ADAMDEC1: variants seen among roughly 807,000 people sequenced by gnomAD.
The protein encoded by ADAMDEC1 is ADAM like decysin 1.
Under a neutral mutation model 60.4 loss-of-function variants are expected in ADAMDEC1, and 62 were observed. The observed-to-expected ratio is 1.03, with a 90% CI of 0.84 to 1.27. ADAMDEC1 has a LOEUF of 1.27. ADAMDEC1 is among the 50% of genes most tolerant of loss of function. ADAMDEC1 has a pLI of 0.00. For synonymous variants in ADAMDEC1, 210 were observed against 195.1 expected (o/e 1.08, Z -0.64); for missense variants, 595 against 565.0 (o/e 1.05, Z -0.54).
intron 1 of ADAMDEC1, 147 bp downstream of exon 1, chr8:24,384,739 A>G: frequency 1.5e-6 from 1 of 657,816 alleles, no homozygotes; most frequent in Non-Finnish European, 2.5e-6. Context: ...CTCTCTGCAA[A>G]AGCGAACTAT....
At chr8:24,386,008 T>C (rs1032213883) in intron 1 of ADAMDEC1, among the ~76,000 whole-genome samples, 1 of 152,108 alleles carries the variant, frequency 6.6e-6, no homozygotes, top group African/African-American at 2.4e-5. Context: ...TACTCATAGA[T>C]ACATTTCTAG....
chr8:24,399,919 A>G (rs1817717886), intron 10 of ADAMDEC1, among the ~76,000 whole-genome samples: 1 of 152,174 alleles, frequency 6.6e-6, no homozygotes, highest in South Asian at 2.1e-4. Flanking sequence ...TCCTATGAAG[A>G]ATGTAATTAA....
chr8:24,384,411 T>C lies in ADAMDEC1; in HGVS notation c.-94T>C. 1.0e-6 allele frequency: 1 copy of C among 1,002,916 alleles called. No individual in the cohort carries two copies. Among genetic ancestry groups the C allele is most frequent in the South Asian group, 1.7e-5 (1 of 58,712 alleles). 62.1% of individuals were successfully genotyped at this position (1,002,916 alleles called of 1,614,324 possible). A position where few individuals can be genotyped will look rare whatever the true frequency, so the allele number is the denominator to read the frequency against. ...AACACTCTTAAGAAACATTCCCCAATCTCACACGAAAAGTGGGGGTTTTAA... is the reference window on the plus strand; with the variant it reads ...AACACTCTTAAGAAACATTCCCCAACCTCACACGAAAAGTGGGGGTTTTAA... On this transcript the variant is annotated 5_prime_UTR_variant, in exon 1 of 14. Coordinates refer to ENST00000256412, the MANE Select transcript of ADAMDEC1 (RefSeq NM_014479.3).
In ADAMDEC1 at chr8:24,405,501, A is replaced by C. The variant is rs1817867520; in HGVS notation, c.*203A>C. On this transcript the variant is annotated 3_prime_UTR_variant, in exon 14 of 14. Transcript: ENST00000256412. Reference sequence around the variant, plus strand: ...TTGTTTAGGCCTAATCTTTCTTTTTACTTTTTTTTTTCTTTTTTCTTTTTT... The same window carrying C: ...TTGTTTAGGCCTAATCTTTCTTTTTCCTTTTTTTTTTCTTTTTTCTTTTTT... 4.2e-6 allele frequency: 2 copies of C among 480,280 alleles called. No homozygotes were observed. Among genetic ancestry groups the C allele is most frequent in the Non-Finnish European group, 3.6e-6 (1 of 279,456 alleles). The allele number at this position is 480,280 out of a possible 1,614,324, so 29.8% of individuals were successfully genotyped here. A position where few individuals can be genotyped will look rare whatever the true frequency, so the allele number is the denominator to read the frequency against.
At chr8:24,397,489 T>G in intron 6 of ADAMDEC1, 33 bp downstream of exon 6, 1 of 1,604,784 alleles carries the variant, frequency 6.2e-7, no homozygotes, top group African/African-American at 1.3e-5. Context: ...ATCATTTACT[T>G]CAATTGTCTC....
In ADAMDEC1 at chr8:24,400,145, A is replaced by G. The variant is rs756613291; in HGVS notation, c.1012-25A>G. 8 of 1,493,968 alleles carry G rather than the reference A, an allele frequency of 5.4e-6. No homozygotes were observed. The East Asian group carries it at 2.0e-4, about 37-fold the overall frequency. The allele number at this position is 1,493,968 out of a possible 1,614,324, so 92.5% of individuals were successfully genotyped here. A position where few individuals can be genotyped will look rare whatever the true frequency, so the allele number is the denominator to read the frequency against. On this transcript the variant is annotated intron_variant, in intron 10 of 13. Coordinates refer to ENST00000256412, the MANE Select transcript of ADAMDEC1 (RefSeq NM_014479.3). ...GGCAACAATTAAATAAAAAAAGAATAAATAAATATATCTACTTTTTCCAGG... is the reference window on the plus strand; with the variant it reads ...GGCAACAATTAAATAAAAAAAGAATGAATAAATATATCTACTTTTTCCAGG...
chr8:24,394,684 C>A (rs924717793), intron 4 of ADAMDEC1, among the ~76,000 whole-genome samples: 1 of 152,078 alleles, frequency 6.6e-6, no homozygotes, highest in Non-Finnish European at 1.5e-5. Flanking sequence ...TGTTCCCAGG[C>A]TAAGACAGCT....
At chr8:24,396,184 G>C (rs1173977779) in intron 5 of ADAMDEC1, among the ~76,000 whole-genome samples, 2 of 152,152 alleles carry the variant, frequency 1.3e-5, no homozygotes, top group East Asian at 3.8e-4. Context: ...TTGCCAATGA[G>C]AGAAAGTTTG....
intron 2 of ADAMDEC1, among the ~76,000 whole-genome samples, chr8:24,392,996 A>T (rs760355286): frequency 6.7e-5 from 10 of 150,326 alleles, no homozygotes; most frequent in Non-Finnish European, 1.3e-4. Context: ...ATCCTGAGAC[A>T]GTATACTGTA....
Position 24,395,818 on chromosome 8 carries a change from A to T in ADAMDEC1, c.440+22A>T, listed in dbSNP as rs1052825942. On this transcript the variant is annotated intron_variant, in intron 5 of 13. Transcript: ENST00000256412. ...TGAGGTAAGAACTACCATCAAAATT[A>T]CTCAAGATCAAGAAGCTTTTTGTTA... 1.9e-6 allele frequency: 3 copies of T among 1,577,520 alleles called. No homozygotes were observed. The African/African-American group carries it at 4.1e-5, about 21-fold the overall frequency.
intron 11 of ADAMDEC1, among the ~76,000 whole-genome samples, chr8:24,401,214 C>T (rs969312240): frequency 1.3e-5 from 2 of 152,108 alleles, no homozygotes; most frequent in Non-Finnish European, 2.9e-5. Flanking sequence ...TACCAGGGCT[C>T]ATTCTTTAAG....
chr8:24,403,358 A>G (rs1010081713), intron 12 of ADAMDEC1, among the ~76,000 whole-genome samples: 7 of 151,446 alleles, frequency 4.6e-5, no homozygotes, highest in Non-Finnish European at 8.8e-5. Flanking sequence ...GTATATAGTT[A>G]GGGTTTTTTT....
chr8:24,391,212 T>C (rs1817437156), intron 1 of ADAMDEC1, among the ~76,000 whole-genome samples: 1 of 152,180 alleles, frequency 6.6e-6, no homozygotes, highest in Non-Finnish European at 1.5e-5. Context: ...CTGTTTTCCC[T>C]AAGATCACTC....
intron 8 of ADAMDEC1, 132 bp downstream of exon 8, chr8:24,398,683 G>T (rs1279423616): frequency 1.1e-6 from 1 of 911,776 alleles, no homozygotes; most frequent in Non-Finnish European, 1.7e-6. Context: ...GGAAATTTTA[G>T]CAGAACAAGC....
At position 24,384,519 on chromosome 8, in the gene ADAMDEC1, C is replaced by T. The variant is rs1817244168; in HGVS notation, c.15C>T (p.Ile5=). 35 of 1,608,682 alleles carry T rather than the reference C, an allele frequency of 2.2e-5. No individual in the cohort carries two copies. The highest frequency in any genetic ancestry group is 3.0e-5 in the Non-Finnish European group (35 of 1,177,324). MLRG[I]SQLPAVATMS... The stretch of plus-strand genomic sequence containing the variant: ...ACCACAACTTCATGCTGCGTGGGAT[C>T]TCCCAGCTACCTGCAGTGGCCACCA... The change falls in exon 1 of 14, where the codon ATC becomes ATT. Residue 5 remains isoleucine, a synonymous_variant. Transcript: ENST00000256412.
At chr8:24,394,204 C>T (rs1270454147) in intron 4 of ADAMDEC1, 57 bp downstream of exon 4, 3 of 1,327,120 alleles carry the variant, frequency 2.3e-6, no homozygotes, top group Non-Finnish European at 3.2e-6. Flanking sequence ...TTAGTTTGTG[C>T]TAATGTTAAC....
chr8:24,396,467 G>A (rs1479335544), intron 5 of ADAMDEC1, among the ~76,000 whole-genome samples: 1 of 152,102 alleles, frequency 6.6e-6, no homozygotes, highest in Non-Finnish European at 1.5e-5. Context: ...AGCCAAGATA[G>A]CTCCACTGCA....
At chr8:24,390,608 T>A (rs757682233) in intron 1 of ADAMDEC1, among the ~76,000 whole-genome samples, 2 of 152,094 alleles carry the variant, frequency 1.3e-5, no homozygotes, top group African/African-American at 2.4e-5. Context: ...TAATCCCAGC[T>A]ACTCAGGAGG....
At chr8:24,394,737 T>C (rs1817561349) in intron 4 of ADAMDEC1, among the ~76,000 whole-genome samples, 1 of 151,494 alleles carries the variant, frequency 6.6e-6, no homozygotes, top group African/African-American at 2.4e-5. Context: ...TGCATTTCTC[T>C]ATATAAAAAA....
Sources: allele counts gnomAD v4.1 joint callset (sites outside exome capture counted in the v4.1 genomes callset), GRCh38; gene constraint gnomAD v4.1.1; transcripts MANE v1.5; gene names NCBI Gene and HGNC (gene_info 2026-07-23, HGNC 2026-07-21).